WWTR1: variants seen among roughly 807,000 people sequenced by gnomAD.
WWTR1 encodes WW domain-containing transcription regulator protein 1.
Under a neutral mutation model 40.1 loss-of-function variants are expected in WWTR1, and 13 were observed. That is an observed-to-expected ratio of 0.32 (90% confidence interval 0.21 to 0.52). The LOEUF is 0.52. WWTR1 is among the 20% of genes least tolerant of loss of function. The pLI is 0.97. For missense variants in WWTR1, 436 were observed against 523.1 expected (o/e 0.83, Z 1.63); for synonymous variants, 230 against 210.1 (o/e 1.09, Z -0.82).
chr3:149,550,765 G>T (rs1736583756), intron 3 of WWTR1, among the ~76,000 whole-genome samples: 1 of 146,834 alleles, frequency 6.8e-6, no homozygotes, highest in African/African-American at 2.6e-5. Context: ...ATAAAAGACT[G>T]CTTGAATATC....
chr3:149,591,400 A>G (rs1738719562), intron 2 of WWTR1, among the ~76,000 whole-genome samples: 1 of 152,214 alleles, frequency 6.6e-6, no homozygotes, highest in Non-Finnish European at 1.5e-5. Flanking sequence ...AATGCTTTTA[A>G]TATCATATTG....
intron 4 of WWTR1, among the ~76,000 whole-genome samples, chr3:149,534,422 A>C (rs1017607889): frequency 1.1e-4 from 17 of 152,224 alleles, no homozygotes; most frequent in Non-Finnish European, 2.1e-4. Flanking sequence ...CTGTTTTCCC[A>C]GCAATAAAAT....
At chr3:149,666,561 G>A (rs1338231980) in intron 2 of WWTR1, among the ~76,000 whole-genome samples, 1 of 151,958 alleles carries the variant, frequency 6.6e-6, no homozygotes, top group Non-Finnish European at 1.5e-5. Flanking sequence ...TTCAACTATG[G>A]CAATAATAAT....
At chr3:149,686,379 G>T (rs889598719) in intron 1 of WWTR1, among the ~76,000 whole-genome samples, 11 of 152,126 alleles carry the variant, frequency 7.2e-5, no homozygotes, top group African/African-American at 2.4e-4. Flanking sequence ...ACCAGCTAGG[G>T]ATGGTGGCCA....
At chr3:149,594,036 C>T (rs1196045354) in intron 2 of WWTR1, among the ~76,000 whole-genome samples, 1 of 152,136 alleles carries the variant, frequency 6.6e-6, no homozygotes, top group Admixed American at 6.6e-5. Context: ...CAGAGACCTG[C>T]TTACGTGGGT....
chr3:149,662,918 G>A (rs1174129837), upstream of WWTR1, among the ~76,000 whole-genome samples: 1 of 152,126 alleles, frequency 6.6e-6, no homozygotes, highest in East Asian at 1.9e-4. Flanking sequence ...GCTCAAAATT[G>A]TCCTCCAAAC....
At chr3:149,669,150 C>A (rs559380487) in intron 2 of WWTR1, among the ~76,000 whole-genome samples, 210 of 152,256 alleles carry the variant, frequency 1.4e-3, no homozygotes, top group Middle Eastern at 6.8e-3. Flanking sequence ...GAAATAAGAA[C>A]CCCACATATA....
rs529285833 is a variant in WWTR1 at position 149,677,711 on chromosome 3, G to A, written c.-107-7820C>T. On this transcript the variant is annotated intron_variant, in intron 1 of 7. Coordinates refer to the WWTR1 transcript ENST00000465804. The stretch of plus-strand genomic sequence containing the variant: ...CAAAATCAACGCGGTGTCGTGACGC[G>A]TGCCTATAATCCCAGTTACTCGGGA... Among the ~76,000 whole-genome samples the A allele has an allele frequency of 5.9e-5, 9 of 152,234 alleles. No individual in the cohort carries two copies. In the South Asian group the frequency reaches 8.3e-4, roughly 14 times the overall value.
At chr3:149,610,900 T>C (rs1739707416) in intron 2 of WWTR1, among the ~76,000 whole-genome samples, 1 of 151,694 alleles carries the variant, frequency 6.6e-6, no homozygotes, top group African/African-American at 2.4e-5. Context: ...CCCAACACTT[T>C]GGGAGGCCAA....
At chr3:149,561,498 T>C (rs1737076761) in intron 3 of WWTR1, among the ~76,000 whole-genome samples, 1 of 152,216 alleles carries the variant, frequency 6.6e-6, no homozygotes, top group African/African-American at 2.4e-5. Context: ...TTTTAAAAAC[T>C]TTAAATGTAC....
At chr3:149,709,541 C>G (rs1489905019) in intron 5 of WWTR1, among the ~76,000 whole-genome samples, 1 of 152,082 alleles carries the variant, frequency 6.6e-6, no homozygotes, top group Non-Finnish European at 1.5e-5. Context: ...TTTTTCTTTG[C>G]TATGATTATA....
rs576037356 is a variant in WWTR1 at position 149,671,243 on chromosome 3, C to T, written c.-107-1352G>A. ...TCTAAGGTCAGAAGAAACGGGTCTA[C>T]ACCTGGCCTCTCAACACCGCTGGCA... On this transcript the variant is annotated intron_variant, in intron 1 of 7. Coordinates refer to the WWTR1 transcript ENST00000465804. Among the ~76,000 whole-genome samples the T allele has an allele frequency of 3.9e-5, 6 of 152,206 alleles. No homozygotes were observed. In the South Asian group the frequency reaches 1.3e-3, roughly 32 times the overall value.
intron 2 of WWTR1, among the ~76,000 whole-genome samples, chr3:149,573,665 G>A (rs1737748807): frequency 6.6e-6 from 1 of 152,174 alleles, no homozygotes; most frequent in African/African-American, 2.4e-5. Context: ...AGCTTATGGA[G>A]AAACTTAGAT....
intron 1 of WWTR1, among the ~76,000 whole-genome samples, chr3:149,676,589 C>T (rs375339735): frequency 2.0e-5 from 3 of 152,060 alleles, no homozygotes; most frequent in African/African-American, 4.8e-5. Context: ...TTACAGCAAC[C>T]CTGCCTGGCA....
intron 2 of WWTR1, among the ~76,000 whole-genome samples, chr3:149,651,696 A>C (rs556467576): frequency 1.6e-4 from 25 of 152,298 alleles, no homozygotes; most frequent in African/African-American, 6.0e-4. Flanking sequence ...TTGGGGCTAG[A>C]TATCTCATCC....
chr3:149,525,953 C>A, intron 6 of WWTR1, 60 bp downstream of exon 6: 1 of 952,740 alleles, frequency 1.0e-6, no homozygotes, highest in Non-Finnish European at 1.5e-6. Context: ...ATTGAGATAA[C>A]CGAAGAGATC....
intron 1 of WWTR1, among the ~76,000 whole-genome samples, chr3:149,696,340 T>C (rs777218328): frequency 7.9e-5 from 12 of 152,120 alleles, no homozygotes; most frequent in Non-Finnish European, 1.3e-4. Flanking sequence ...CTCCTCCCTT[T>C]GCTTTGAGAT....
At chr3:149,628,274 G>A (rs1430450935) in intron 2 of WWTR1, among the ~76,000 whole-genome samples, 3 of 152,258 alleles carry the variant, frequency 2.0e-5, no homozygotes, top group African/African-American at 7.2e-5. Context: ...GGAGGCTGAG[G>A]CAGGAGAATG....
At chr3:149,646,110 T>C (rs1304341625) in intron 2 of WWTR1, among the ~76,000 whole-genome samples, 3 of 152,202 alleles carry the variant, frequency 2.0e-5, no homozygotes, top group Non-Finnish European at 2.9e-5. Context: ...GTATGATTAA[T>C]TGGTTGATGC....
Sources: allele counts gnomAD v4.1 joint callset (sites outside exome capture counted in the v4.1 genomes callset), GRCh38; gene constraint gnomAD v4.1.1; transcripts MANE v1.5; gene names NCBI Gene and HGNC (gene_info 2026-07-23, HGNC 2026-07-21).